Variants in BCL9 observed in about 807,000 individuals in gnomAD.
The protein encoded by BCL9 is B-cell CLL/lymphoma 9 protein.
Under a neutral mutation model 88.5 loss-of-function variants are expected in BCL9, and 25 were observed. The observed-to-expected ratio is 0.28, with a 90% CI of 0.21 to 0.39. The LOEUF (loss-of-function observed/expected upper bound fraction) is 0.39. BCL9 is among the 10% of genes least tolerant of loss of function. The pLI, the probability that BCL9 is intolerant of heterozygous loss-of-function variation, is 1.00. For missense variants in BCL9, 1,817 were observed against 1,877.8 expected (o/e 0.97, Z 0.60); for synonymous variants, 711 against 673.3 (o/e 1.06, Z -0.87).
intron 3 of BCL9, among the ~76,000 whole-genome samples, chr1:147,608,330 CTTTTTTTTT>C (rs35324998): frequency 4.9e-5 from 5 of 101,054 alleles, no homozygotes; most frequent in Non-Finnish European, 7.3e-5. Context: ...TTTTGTTTTG[CTTTTTTTTT>C]TTTTTTTTTT....
chr1:147,623,425 TA>T (rs1258180783), intron 9 of BCL9, among the ~76,000 whole-genome samples: 1 of 152,238 alleles, frequency 6.6e-6, no homozygotes, highest in Non-Finnish European at 1.5e-5. Context: ...ATTGAAAAAT[TA>T]CCTGTTTAGT....
At chr1:147,613,433 TA>T (rs1293636635) in intron 5 of BCL9, among the ~76,000 whole-genome samples, 1 of 152,194 alleles carries the variant, frequency 6.6e-6, no homozygotes, top group African/African-American at 2.4e-5. Context: ...TGCAACGGTT[TA>T]GGGGTTATGG....
chr1:147,554,225 CAG>C (rs1428769978), intron 1 of BCL9, among the ~76,000 whole-genome samples: 2 of 152,144 alleles, frequency 1.3e-5, no homozygotes, highest in African/African-American at 4.8e-5. Flanking sequence ...ACCTTAAAAT[CAG>C]AAATCAGCAT....
chr1:147,564,140 A>G (rs1655503541), intron 1 of BCL9, among the ~76,000 whole-genome samples: 1 of 152,168 alleles, frequency 6.6e-6, no homozygotes, highest in East Asian at 1.9e-4. Context: ...TAGGCGTGTG[A>G]TCTCAGACTA....
In BCL9 at chr1:147,625,336, G is replaced by T. The variant is rs1393795800; in HGVS notation, c.*377G>T. The T allele has an allele frequency of 7.6e-6, 2 of 263,312 alleles. No individual in the cohort carries two copies. The highest frequency in any genetic ancestry group is 1.5e-5 in the Non-Finnish European group (2 of 136,188). 16.3% of individuals were successfully genotyped at this position (263,312 alleles called of 1,614,324 possible). ...TCTCCCAGGATTCTTTTCTGTTTTT[G>T]TTTTTTTGATTTGGGCTTTATTTTT... On this transcript the variant is annotated 3_prime_UTR_variant, in exon 10 of 10. Transcript: ENST00000234739.
At chr1:147,614,398 TTC>T (rs1553203308) in intron 5 of BCL9, 27 bp from the exon 6 acceptor site, 1 of 1,606,756 alleles carries the variant, frequency 6.2e-7, no homozygotes, top group Non-Finnish European at 8.5e-7. Context: ...ATTTTATTCT[TTC>T]TGTGACGAGT....
At chr1:147,585,976 C>T (rs923157731) in intron 1 of BCL9, among the ~76,000 whole-genome samples, 3 of 152,120 alleles carry the variant, frequency 2.0e-5, no homozygotes. Context: ...GCTCTGCCTG[C>T]TCTCAGCCCA....
intron 9 of BCL9, among the ~76,000 whole-genome samples, chr1:147,623,421 A>G (rs1658753321): frequency 6.6e-6 from 1 of 152,214 alleles, no homozygotes; most frequent in African/African-American, 2.4e-5. Context: ...GCCAATTGAA[A>G]AATTACCTGT....
chr1:147,608,394 G>A (rs1235568732), intron 3 of BCL9, among the ~76,000 whole-genome samples: 1 of 137,150 alleles, frequency 7.3e-6, no homozygotes, highest in Non-Finnish European at 1.5e-5. Flanking sequence ...TGATTGGAAA[G>A]ATCCAACAGA....
chr1:147,595,428 C>T (rs1404344379), intron 1 of BCL9, among the ~76,000 whole-genome samples: 1 of 152,092 alleles, frequency 6.6e-6, no homozygotes, highest in East Asian at 1.9e-4. Flanking sequence ...AGTCCAGTAG[C>T]ACAGGCTGAA....
In BCL9 at chr1:147,619,743, G is replaced by T. The variant is rs782034339; in HGVS notation, c.1588G>T (p.Gly530Cys). ...MTPSEGWAPGGTEPFSDGINM... is the reference protein window; with the variant it reads ...MTPSEGWAPGCTEPFSDGINM... ...CCCTAGTGAAGGCTGGGCACCTGGG[G>T]GTACAGAGCCATTTTCTGATGGTAT... Residue 530 changes from glycine (G) to cysteine (C), a missense_variant, in exon 8 of 10, where the codon GGT (glycine) becomes TGT (cysteine). By Grantham distance (159) the Gly-to-Cys change is radical. This residue lies in a region of BCL9 where 1,228 missense variants were observed against 1,191.6 expected (regional missense o/e 1.03). Coordinates refer to ENST00000234739, the MANE Select transcript of BCL9 (RefSeq NM_004326.4). This position sits in a 1 kb window ranked among gnomAD's most constrained non-coding sequence, Gnocchi z 4.1. 3 of 1,614,046 alleles carry T rather than the reference G, an allele frequency of 1.9e-6. No individual in the cohort carries two copies. Among genetic ancestry groups the T allele is most frequent in the East Asian group, 2.2e-5 (1 of 44,862 alleles).
intron 1 of BCL9, among the ~76,000 whole-genome samples, chr1:147,603,801 G>T (rs782560173): frequency 6.6e-6 from 1 of 152,052 alleles, no homozygotes; most frequent in Non-Finnish European, 1.5e-5. Flanking sequence ...GAGCCACCGT[G>T]CCCGGCCAGA....
intron 1 of BCL9, among the ~76,000 whole-genome samples, chr1:147,578,991 A>G (rs1320308137): frequency 6.6e-6 from 1 of 151,664 alleles, no homozygotes; most frequent in African/African-American, 2.4e-5. Flanking sequence ...TCAGTCTCCC[A>G]AGCAGCTGGG....
chr1:147,560,595 G>C (rs963727045), intron 1 of BCL9, among the ~76,000 whole-genome samples: 3 of 90,784 alleles, frequency 3.3e-5, no homozygotes, highest in Non-Finnish European at 6.4e-5. Context: ...GGACAACAGC[G>C]AGACTTCATC....
In BCL9 at chr1:147,619,740, G is replaced by C. The variant is rs149364988; in HGVS notation, c.1585G>C (p.Gly529Arg). Residue 529 changes from glycine to arginine, a missense_variant, in exon 8 of 10, where the codon GGG (glycine) becomes CGG (arginine). Gly to Arg is a moderately radical substitution (Grantham distance 125). Transcript: ENST00000234739. This position sits in a 1 kb window ranked among gnomAD's most constrained non-coding sequence, Gnocchi z 4.1. Reference protein sequence around the residue: ...QMTPSEGWAPGGTEPFSDGIN... With the variant: ...QMTPSEGWAPRGTEPFSDGIN... ...GACCCCTAGTGAAGGCTGGGCACCT[G>C]GGGGTACAGAGCCATTTTCTGATGG... The C allele has an allele frequency of 2.0e-4, 330 of 1,613,964 alleles. 2 individuals are homozygous for C. Among genetic ancestry groups the C allele is most frequent in the Non-Finnish European group, 2.1e-4 (253 of 1,180,020 alleles).
intron 6 of BCL9, 52 bp downstream of exon 6, chr1:147,614,668 A>T (rs782567092): frequency 6.7e-7 from 1 of 1,496,914 alleles, no homozygotes; most frequent in East Asian, 2.3e-5. Flanking sequence ...TGGGGACCTA[A>T]ATTCTTATTC....
chr1:147,563,618 TG>T (rs1197110847), intron 1 of BCL9, among the ~76,000 whole-genome samples: 2 of 152,244 alleles, frequency 1.3e-5, no homozygotes, highest in African/African-American at 4.8e-5. Flanking sequence ...TATCAATGAC[TG>T]TTTTAAAACC....
chr1:147,574,365 GT>G (rs1308266892), intron 1 of BCL9, among the ~76,000 whole-genome samples: 4 of 152,130 alleles, frequency 2.6e-5, no homozygotes, highest in African/African-American at 9.7e-5. Flanking sequence ...TACAGTATTT[GT>G]TTCACCGTAT....
chr1:147,612,779 G>C, intron 4 of BCL9, 104 bp from the exon 5 acceptor site: 1 of 1,158,854 alleles, frequency 8.6e-7, no homozygotes, highest in Non-Finnish European at 1.2e-6. Flanking sequence ...GGTTATTTTA[G>C]TCCTAAGGGT....
Sources: gnomAD v4.1 joint callset for allele counts (sites outside exome capture counted in the v4.1 genomes callset) on GRCh38, gnomAD v4.1.1 for gene constraint, gnomAD v4.1.1 regional missense constraint, Gnocchi (gnomAD v3.1) non-coding constraint, MANE v1.5 for transcripts, NCBI Gene and HGNC (gene_info 2026-07-23, HGNC 2026-07-21) for gene names.